Variants in BTG4 observed in about 807,000 individuals in gnomAD.
BTG4 encodes protein BTG4.
A neutral mutation model predicts 19.3 loss-of-function variants in BTG4; 10 were observed. That is an observed-to-expected ratio of 0.52 (90% CI 0.32 to 0.88). The LOEUF is 0.88. BTG4 is among the 40% of genes least tolerant of loss of function. The pLI, the probability that BTG4 is intolerant of heterozygous loss-of-function variation, is 0.04. For missense variants in BTG4, 238 were observed against 281.9 expected, an observed-to-expected ratio of 0.84 and a Z score of 1.11; for synonymous variants, 91 against 95.7, an observed-to-expected ratio of 0.95 and a Z score of 0.29.
the BTG4 span, chr11:111,416,620 G>A: frequency 0.43 from 65,572 of 151,982 alleles, 14,580 homozygotes; most frequent in Admixed American, 0.51. Flanking sequence ...TCCCGACAGC[G>A]TCTGTCCTGG....
At chr11:111,414,689 G>GT in the BTG4 span, 4 of 152,354 alleles carry the variant, frequency 2.6e-5, no homozygotes, top group African/African-American at 9.6e-5. Flanking sequence ...CCCCACATCA[G>GT]TATGTTTAAT....
chr11:111,415,072 G>A, the BTG4 span: 1 of 152,088 alleles, frequency 6.6e-6, no homozygotes, highest in African/African-American at 2.4e-5. Flanking sequence ...CTTCAAAATG[G>A]GATTGCAGTT....
chr11:111,426,193 G>A, the BTG4 span, among the ~76,000 whole-genome samples: 46,151 of 151,764 alleles, frequency 0.3, 7,119 homozygotes, highest in Admixed American at 0.34. Flanking sequence ...TTCCCACAAT[G>A]AGAAAGTGGG....
At chr11:111,383,931 A>G in the BTG4 span, among the ~76,000 whole-genome samples, 39 of 152,338 alleles carry the variant, frequency 2.6e-4, no homozygotes, top group East Asian at 6.7e-3. Context: ...TCTCCGCAGA[A>G]GTACAGTATA....
downstream of BTG4, among the ~76,000 whole-genome samples, chr11:111,492,495 T>A (rs1200945511): frequency 1.3e-5 from 2 of 152,206 alleles, no homozygotes; most frequent in Non-Finnish European, 2.9e-5. Context: ...GCTGAGAGAA[T>A]GATCAACCAA....
chr11:111,464,150 C>T (rs562024436), downstream of BTG4, among the ~76,000 whole-genome samples: 64 of 152,290 alleles, frequency 4.2e-4, no homozygotes, highest in Non-Finnish European at 6.8e-4. Flanking sequence ...GTGTGCGCCA[C>T]CATGCCCAGC....
the BTG4 span, among the ~76,000 whole-genome samples, chr11:111,426,856 C>T: frequency 1.3e-5 from 2 of 152,228 alleles, no homozygotes; most frequent in African/African-American, 4.8e-5. Context: ...CCGGAGTTTA[C>T]TCAAAGTGTA....
intron 4 of BTG4, 69 bp downstream of exon 4, chr11:111,497,142 C>T (rs953075945): frequency 1.4e-6 from 2 of 1,389,206 alleles, no homozygotes; most frequent in Admixed American, 2.0e-5. Context: ...TCTTTGTTTT[C>T]ATAATGAGTG....
At chr11:111,470,497 A>G (rs1863997053) in intron 5 of BTG4, among the ~76,000 whole-genome samples, 1 of 152,226 alleles carries the variant, frequency 6.6e-6, no homozygotes, top group South Asian at 2.1e-4. Flanking sequence ...TCAATAATTA[A>G]GCAGAATCCC....
chr11:111,460,618 G>A, the BTG4 span, among the ~76,000 whole-genome samples: 6 of 152,240 alleles, frequency 3.9e-5, no homozygotes, highest in South Asian at 2.1e-4. Flanking sequence ...GGTAATGCAC[G>A]CAGCAGAGAG....
At chr11:111,417,720 G>C in the BTG4 span, 1 of 152,188 alleles carries the variant, frequency 6.6e-6, no homozygotes, top group Non-Finnish European at 1.5e-5. Context: ...TTTGGCTTTA[G>C]ATCAGTTTGG....
chr11:111,406,263 C>T, the BTG4 span, among the ~76,000 whole-genome samples: 1 of 152,206 alleles, frequency 6.6e-6, no homozygotes, highest in Non-Finnish European at 1.5e-5. Flanking sequence ...TACAGGCACA[C>T]GCCACTGTGC....
At chr11:111,398,832 T>C in the BTG4 span, among the ~76,000 whole-genome samples, 1 of 152,126 alleles carries the variant, frequency 6.6e-6, no homozygotes, top group East Asian at 1.9e-4. Context: ...CCCAGTCTTC[T>C]ACATTTCATA....
intron 1 of BTG4, among the ~76,000 whole-genome samples, chr11:111,501,425 T>C (rs1866073600): frequency 6.6e-6 from 1 of 152,128 alleles, no homozygotes; most frequent in Admixed American, 6.6e-5. Context: ...AATACATATA[T>C]TAGGTAGTGT....
chr11:111,446,624 A>AACACAC, the BTG4 span, among the ~76,000 whole-genome samples: 33,766 of 146,746 alleles, frequency 0.23, 4,041 homozygotes, highest in Admixed American at 0.31. Flanking sequence ...GACACCAATA[A>AACACAC]ACACACACAC....
chr11:111,427,227 A>T, the BTG4 span, among the ~76,000 whole-genome samples: 16 of 152,246 alleles, frequency 1.1e-4, no homozygotes, highest in Non-Finnish European at 2.2e-4. Context: ...GACTAGAGGA[A>T]AGGTGAGATC....
chr11:111,496,017 G>T (rs996346308), intron 4 of BTG4, among the ~76,000 whole-genome samples: 2 of 152,132 alleles, frequency 1.3e-5, no homozygotes, highest in Admixed American at 1.3e-4. Context: ...ACATTTGCCA[G>T]AAATATGTCA....
chr11:111,390,628 G>A, the BTG4 span, among the ~76,000 whole-genome samples: 1 of 152,170 alleles, frequency 6.6e-6, no homozygotes, highest in African/African-American at 2.4e-5. Flanking sequence ...ACTGAGCTCA[G>A]GGAGCCCTAA....
At chr11:111,418,398 A>T in the BTG4 span, among the ~76,000 whole-genome samples, 4 of 152,314 alleles carry the variant, frequency 2.6e-5, no homozygotes, top group South Asian at 8.3e-4. Context: ...CTTGGCCATC[A>T]TCATCACAAA....
Sources: gnomAD v4.1 joint callset for allele counts (sites outside exome capture counted in the v4.1 genomes callset) on GRCh38, gnomAD v4.1.1 for gene constraint, MANE v1.5 for transcripts, NCBI Gene and HGNC (gene_info 2026-07-23, HGNC 2026-07-21) for gene names.